INTS8: variants seen among roughly 807,000 people sequenced by gnomAD.
INTS8 encodes the protein protein kaonashi-1.
In INTS8, 47 loss-of-function variants were observed where a neutral mutation model predicts 138.9. The ratio of observed to expected loss-of-function variants is 0.34; its 90% CI spans 0.27 to 0.43. The LOEUF (loss-of-function observed/expected upper bound fraction) is 0.43, where lower values mean the gene tolerates loss of function less well. INTS8 is among the 20% of genes least tolerant of loss of function. The probability of loss-of-function intolerance (pLI) is 1.00; values close to 1 mark genes in which losing one functional copy is unlikely to be tolerated. For synonymous variants in INTS8, 392 were observed against 400.9 expected (o/e 0.98, Z 0.27); for missense variants, 996 against 1,173.0 (o/e 0.85, Z 2.20).
At chr8:94,835,137 G>T (rs1399712699) in intron 6 of INTS8, among the ~76,000 whole-genome samples, 1 of 152,198 alleles carries the variant, frequency 6.6e-6, no homozygotes, top group Non-Finnish European at 1.5e-5. Context: ...AAGTCAGTCA[G>T]ATCAAGAAGA....
rs752368637 is a variant in INTS8 at position 94,867,344 on chromosome 8, A to G, written c.2414+7A>G. ...GGCCATCTTCCATTCCCAAGTAAGT[A>G]GTGGTATAGCTTTTATTTTATTAAT... On this transcript the variant is annotated splice_region_variant and intron_variant, in intron 20 of 26. Transcript: ENST00000523731. The G allele has an allele frequency of 2.5e-6, 4 of 1,598,652 alleles. No homozygotes were observed. In the East Asian group the frequency reaches 6.7e-5, roughly 27 times the overall value.
chr8:94,854,711 A>C (rs1166599028), intron 14 of INTS8, among the ~76,000 whole-genome samples: 3 of 152,142 alleles, frequency 2.0e-5, no homozygotes, highest in African/African-American at 7.2e-5. Flanking sequence ...CTACATCCCC[A>C]CACCAGCAGC....
rs563291323 is a variant in INTS8 at position 94,824,456 on chromosome 8, C to G, written c.131-437C>G. 4.6e-5 allele frequency among the ~76,000 whole-genome samples: 7 copies of G among 152,248 alleles called. No individual in the cohort carries two copies. In the South Asian group the frequency reaches 1.5e-3, roughly 32 times the overall value. ...CCTTTAATTTAATCTTCAAAATGAT[C>G]CTCTATTTTGCATTGGAAGAAGCAG... On this transcript the variant is annotated intron_variant, in intron 1 of 26. Coordinates refer to ENST00000523731, the MANE Select transcript of INTS8 (RefSeq NM_017864.4).
chr8:94,860,919 T>C (rs1051959665), intron 16 of INTS8, among the ~76,000 whole-genome samples: 4 of 151,326 alleles, frequency 2.6e-5, no homozygotes, highest in African/African-American at 9.7e-5. Flanking sequence ...TAGCCGGGCG[T>C]AGTGGCGGGC....
Position 94,859,568 on chromosome 8 carries a change from G to T in INTS8, c.2012G>T (p.Arg671Ile). The T allele has an allele frequency of 6.2e-7, 1 of 1,612,732 alleles. No homozygotes were observed. Among genetic ancestry groups the T allele is most frequent in the South Asian group, 1.1e-5 (1 of 91,064 alleles). ...TGTGTTGCCTTTATGTTAAACTGGA[G>T]AGAAAATGAATACCTTACACTCCAA... ...EECVAFMLNW[R>I]ENEYLTLQVP... The change falls in exon 16 of 27, where the codon AGA becomes ATA. Residue 671 changes from arginine (R) to isoleucine (I), a missense_variant. Transcript: ENST00000523731.
At chr8:94,877,590 TGTAA>T (rs761548526) in intron 26 of INTS8, among the ~76,000 whole-genome samples, 17 of 152,326 alleles carry the variant, frequency 1.1e-4, no homozygotes, top group East Asian at 9.7e-4. Flanking sequence ...TACTAGCTCC[TGTAA>T]GTATCTGGTT....
At chr8:94,830,511 T>G (rs1814673615) in intron 5 of INTS8, among the ~76,000 whole-genome samples, 1 of 152,178 alleles carries the variant, frequency 6.6e-6, no homozygotes, top group East Asian at 1.9e-4. Context: ...AAATTTTTTC[T>G]TTTTTAGACA....
intron 5 of INTS8, among the ~76,000 whole-genome samples, chr8:94,830,079 T>C (rs1015151982): frequency 2.6e-5 from 4 of 152,150 alleles, no homozygotes; most frequent in African/African-American, 9.7e-5. Flanking sequence ...GTATTTTTAG[T>C]AGAGACGGGT....
intron 16 of INTS8, among the ~76,000 whole-genome samples, chr8:94,861,148 T>C (rs1326704840): frequency 6.6e-6 from 1 of 151,966 alleles, no homozygotes; most frequent in African/African-American, 2.4e-5. Flanking sequence ...TTTGGTTACT[T>C]GTTTCTTCCT....
chr8:94,842,619 T>G (rs1815176850), intron 10 of INTS8, 131 bp downstream of exon 10: 1 of 642,164 alleles, frequency 1.6e-6, no homozygotes. Context: ...TTGGCACTTT[T>G]GACAGACTAT....
intron 16 of INTS8, among the ~76,000 whole-genome samples, chr8:94,864,921 A>G (rs1816120603): frequency 6.6e-6 from 1 of 152,064 alleles, no homozygotes; most frequent in Admixed American, 6.5e-5. Flanking sequence ...GTTGCTACCA[A>G]TTTTCTTAGA....
At chr8:94,834,345 A>G (rs1326444057) in intron 6 of INTS8, among the ~76,000 whole-genome samples, 4 of 148,010 alleles carry the variant, frequency 2.7e-5, no homozygotes, top group Non-Finnish European at 5.9e-5. Flanking sequence ...TGTAGTAAGT[A>G]TGCATATATG....
rs751481615 is a variant in INTS8, at chr8:94,853,765, C to T, written c.1642-40C>T. ...GATTCTTATCTAGATTTGGCTTCCT[C>T]TATGTGTGCATATATATATGTATTT... On this transcript the variant is annotated intron_variant, in intron 13 of 26. Coordinates refer to ENST00000523731, the MANE Select transcript of INTS8 (RefSeq NM_017864.4). 22 of 1,146,930 alleles carry T rather than the reference C, an allele frequency of 1.9e-5. No homozygotes were observed. In the Admixed American group the frequency reaches 3.5e-4, roughly 18 times the overall value. The allele number at this position is 1,146,930 out of a possible 1,614,324, so 71.0% of individuals were successfully genotyped here. A position where few individuals can be genotyped will look rare whatever the true frequency, so the allele number is the denominator to read the frequency against.
chr8:94,874,679 G>A lies in INTS8; in HGVS notation c.2688+77G>A, dbSNP rs1816513935. ...ATAATAAATATAAAGCATTGAACTGGAAATTAGCTTTTATTTTCCATATCA... is the reference window on the plus strand; with the variant it reads ...ATAATAAATATAAAGCATTGAACTGAAAATTAGCTTTTATTTTCCATATCA... On this transcript the variant is annotated intron_variant, in intron 23 of 26. Transcript: ENST00000523731. 8.7e-6 allele frequency: 7 copies of A among 807,076 alleles called. No individual in the cohort carries two copies. In the East Asian group the frequency reaches 1.9e-4, roughly 22 times the overall value. The allele number at this position is 807,076 out of a possible 1,614,324, so 50.0% of individuals were successfully genotyped here.
At chr8:94,824,782 A>ACC (rs1454107421) in intron 1 of INTS8, 111 bp from the exon 2 acceptor site, 155 of 47,282 alleles carry the variant, frequency 3.3e-3, no homozygotes, top group African/African-American at 1.0e-2. Flanking sequence ...AAAAACCCAA[A>ACC]CTCCCCCCCC....
At chr8:94,850,598 C>T (rs959531064) in intron 12 of INTS8, among the ~76,000 whole-genome samples, 50 of 126,496 alleles carry the variant, frequency 4.0e-4, no homozygotes, top group Admixed American at 2.6e-3. Context: ...GGTGACAGAG[C>T]GAGACTCCGA....
chr8:94,851,452 TTTTAA>T, intron 12 of INTS8, 96 bp from the exon 13 acceptor site: 2 of 762,216 alleles, frequency 2.6e-6, no homozygotes, highest in Non-Finnish European at 3.9e-6. Context: ...TGATAGCAGC[TTTTAA>T]TTTATAGATA....
At chr8:94,854,457 G>A (rs545448417) in intron 14 of INTS8, among the ~76,000 whole-genome samples, 1 of 152,094 alleles carries the variant, frequency 6.6e-6, no homozygotes, top group African/African-American at 2.4e-5. Context: ...GATATTATTT[G>A]TATTCTTTAG....
chr8:94,833,736 G>A (rs11783589), intron 6 of INTS8, among the ~76,000 whole-genome samples: 28,355 of 151,986 alleles, frequency 0.19, 2,781 homozygotes, highest in Middle Eastern at 0.28. Context: ...GTTTTTTGAA[G>A]GGCAAATTAG....
Sources: allele counts gnomAD v4.1 joint callset (sites outside exome capture counted in the v4.1 genomes callset), GRCh38; gene constraint gnomAD v4.1.1; transcripts MANE v1.5; gene names NCBI Gene and HGNC (gene_info 2026-07-23, HGNC 2026-07-21).